The following DPH6 variants were observed in gnomAD, a reference collection of about 807,000 sequenced individuals.
DPH6 encodes diphthamine biosynthesis 6.
DPH6 carries 33 observed loss-of-function variants against 38.2 expected under a neutral mutation model. The observed-to-expected ratio is 0.86, with a 90% confidence interval of 0.65 to 1.15. The LOEUF is 1.15. Among genes scored for constraint, DPH6 ranks in the 50% most tolerant of loss-of-function variants. DPH6 has a pLI of 0.00. For synonymous variants in DPH6, 108 were observed against 103.0 expected (o/e 1.05, Z -0.30); for missense variants, 325 against 320.0 (o/e 1.02, Z -0.12).
intron 3 of DPH6, among the ~76,000 whole-genome samples, chr15:35,297,810 A>T (rs1410884306): frequency 6.6e-6 from 1 of 150,748 alleles, no homozygotes; most frequent in Non-Finnish European, 1.5e-5. Flanking sequence ...TGTCAAAAAA[A>T]CTTTCTCTCC....
At chr15:35,545,844 CT>C (rs1226637222) in intron 1 of DPH6, among the ~76,000 whole-genome samples, 2 of 152,192 alleles carry the variant, frequency 1.3e-5, no homozygotes, top group Admixed American at 1.3e-4. Flanking sequence ...GGCGTCGGTA[CT>C]TTTTTTAATT....
At chr15:35,262,489 C>G (rs2051753953) in intron 3 of DPH6, among the ~76,000 whole-genome samples, 2 of 151,928 alleles carry the variant, frequency 1.3e-5, no homozygotes. Flanking sequence ...GGGGGATCAC[C>G]AGGTCAGGAG....
At chr15:35,372,400 G>A (rs886715522) in intron 8 of DPH6, 197 bp from the exon 9 acceptor site, 5 of 393,650 alleles carry the variant, frequency 1.3e-5, no homozygotes, top group African/African-American at 1.0e-4. Flanking sequence ...TGAACAGTGA[G>A]CTATTCGGGT....
intron 3 of DPH6, among the ~76,000 whole-genome samples, chr15:35,252,396 T>C (rs1014921920): frequency 2.0e-5 from 3 of 152,244 alleles, no homozygotes; most frequent in South Asian, 4.1e-4. Flanking sequence ...TTGGAAATCC[T>C]GGGTTGAGCA....
At chr15:35,505,840 A>T (rs527605267) in intron 3 of DPH6, among the ~76,000 whole-genome samples, 2 of 152,292 alleles carry the variant, frequency 1.3e-5, no homozygotes, top group African/African-American at 4.8e-5. Context: ...AGGGCTCATT[A>T]AAGAAGCCCT....
At chr15:35,422,272 C>G (rs1435571208) in intron 5 of DPH6, among the ~76,000 whole-genome samples, 1 of 151,670 alleles carries the variant, frequency 6.6e-6, no homozygotes, top group East Asian at 1.9e-4. Flanking sequence ...GAAACAGAAG[C>G]CATGAAGTGA....
intron 3 of DPH6, among the ~76,000 whole-genome samples, chr15:35,469,460 T>C (rs2054169484): frequency 6.6e-6 from 1 of 152,124 alleles, no homozygotes; most frequent in Admixed American, 6.6e-5. Context: ...TAAGAAATGA[T>C]AAAGGTCTAA....
At chr15:35,543,891 G>A (rs2055302553) in intron 1 of DPH6, among the ~76,000 whole-genome samples, 1 of 152,184 alleles carries the variant, frequency 6.6e-6, no homozygotes, top group Non-Finnish European at 1.5e-5. Flanking sequence ...AAAGACTGAA[G>A]GGTGTGCATC....
chr15:35,451,917 G>C (rs1012584615), intron 4 of DPH6, among the ~76,000 whole-genome samples: 4 of 152,208 alleles, frequency 2.6e-5, no homozygotes, highest in African/African-American at 7.2e-5. Context: ...GGCTGAGGCA[G>C]GAGAATGGCG....
chr15:35,455,331 AC>A (rs2053982879), intron 3 of DPH6, among the ~76,000 whole-genome samples: 1 of 152,202 alleles, frequency 6.6e-6, no homozygotes, highest in African/African-American at 2.4e-5. Flanking sequence ...ACAGTATAGC[AC>A]TGTAGATAAA....
At chr15:35,535,853 ACT>A (rs1194997819) in intron 3 of DPH6, among the ~76,000 whole-genome samples, 3 of 152,090 alleles carry the variant, frequency 2.0e-5, no homozygotes, top group African/African-American at 7.2e-5. Flanking sequence ...ATGAAACATA[ACT>A]CTACAAGTTC....
chr15:35,382,978 G>T (rs1247278906), intron 6 of DPH6, among the ~76,000 whole-genome samples: 1 of 152,070 alleles, frequency 6.6e-6, no homozygotes, highest in Non-Finnish European at 1.5e-5. Context: ...CATATGTCTG[G>T]CATCAGTGCT....
intron 3 of DPH6, among the ~76,000 whole-genome samples, chr15:35,286,142 T>C (rs890901010): frequency 6.6e-6 from 1 of 152,064 alleles, no homozygotes; most frequent in African/African-American, 2.4e-5. Flanking sequence ...AATATTTGAG[T>C]TTCATCACAG....
At chr15:35,226,412 G>C (rs2051481889) in intron 3 of DPH6, among the ~76,000 whole-genome samples, 1 of 151,960 alleles carries the variant, frequency 6.6e-6, no homozygotes, top group African/African-American at 2.4e-5. Flanking sequence ...AGTGGTAATA[G>C]AGGAAAGTTT....
intron 5 of DPH6, among the ~76,000 whole-genome samples, chr15:35,411,584 A>G (rs567180712): frequency 6.6e-6 from 1 of 151,836 alleles, no homozygotes; most frequent in Non-Finnish European, 1.5e-5. Flanking sequence ...GTGGGAGACA[A>G]GTGTGAGCAA....
At chr15:35,246,143 A>C (rs1481616049) in intron 3 of DPH6, among the ~76,000 whole-genome samples, 1 of 152,020 alleles carries the variant, frequency 6.6e-6, no homozygotes, top group Non-Finnish European at 1.5e-5. Context: ...CCCCACCCCT[A>C]TCTCCCTTTG....
the DPH6 span, among the ~76,000 whole-genome samples, chr15:35,182,146 A>G: frequency 6.7e-6 from 1 of 150,220 alleles, no homozygotes; most frequent in Non-Finnish European, 1.5e-5. Flanking sequence ...ATTCATGGCT[A>G]ATTTTACAGT....
At chr15:35,226,080 G>A (rs982614447) in intron 3 of DPH6, among the ~76,000 whole-genome samples, 2 of 151,994 alleles carry the variant, frequency 1.3e-5, no homozygotes, top group East Asian at 3.9e-4. Flanking sequence ...CCTGTGAATA[G>A]TCACTGCACT....
downstream of DPH6, among the ~76,000 whole-genome samples, chr15:35,216,839 T>G (rs1303298706): frequency 6.6e-6 from 1 of 152,162 alleles, no homozygotes; most frequent in African/African-American, 2.4e-5. Flanking sequence ...GCAATGGCAG[T>G]GGGTTGACAT....
Sources: allele counts gnomAD v4.1 joint callset (sites outside exome capture counted in the v4.1 genomes callset), GRCh38; gene constraint gnomAD v4.1.1; transcripts MANE v1.5; gene names NCBI Gene and HGNC (gene_info 2026-07-23, HGNC 2026-07-21).